Variants in AP3M1 observed in about 807,000 individuals in gnomAD.
AP3M1 encodes the protein AP-3 complex subunit mu-1.
AP3M1 carries 29 observed loss-of-function variants against 42.6 expected under a neutral mutation model. The observed-to-expected ratio is 0.68, with a 90% confidence interval of 0.51 to 0.93. The LOEUF is 0.93. Among genes scored for constraint, AP3M1 ranks in the 40% least tolerant of loss-of-function variants. The pLI is 0.00. For missense variants in AP3M1, 416 were observed against 510.2 expected, an observed-to-expected ratio of 0.82 and a Z score of 1.78; for synonymous variants, 178 against 175.3, an observed-to-expected ratio of 1.02 and a Z score of -0.12.
At chr10:74,135,036 C>T (rs572613648) in intron 3 of AP3M1, among the ~76,000 whole-genome samples, 12 of 152,190 alleles carry the variant, frequency 7.9e-5, no homozygotes, top group East Asian at 1.9e-4. Flanking sequence ...AAAATATAGT[C>T]GCAATCATAC....
At chr10:74,145,447 G>A (rs1841299108) in intron 1 of AP3M1, among the ~76,000 whole-genome samples, 2 of 152,318 alleles carry the variant, frequency 1.3e-5, no homozygotes, top group South Asian at 4.1e-4. Context: ...TCTATAATAG[G>A]AAAAGAGAGC....
At chr10:74,137,128 T>A (rs1294096335) in intron 2 of AP3M1, among the ~76,000 whole-genome samples, 4 of 152,098 alleles carry the variant, frequency 2.6e-5, no homozygotes, top group Admixed American at 2.6e-4. Context: ...TGGTCCCAGC[T>A]ACTTGGGAGG....
intron 6 of AP3M1, among the ~76,000 whole-genome samples, chr10:74,128,464 C>T (rs1430086930): frequency 6.6e-6 from 1 of 152,056 alleles, no homozygotes; most frequent in Non-Finnish European, 1.5e-5. Flanking sequence ...GTCTAGAACT[C>T]TTGACCCCAA....
At position 74,126,299 on chromosome 10, in the gene AP3M1, G is replaced by C. The variant is rs1349572202; in HGVS notation, c.860C>G (p.Ser287Cys). 1.9e-6 allele frequency: 3 copies of C among 1,614,172 alleles called. No homozygotes were observed. The highest frequency in any genetic ancestry group is 1.7e-6 in the Non-Finnish European group (2 of 1,180,038). The change falls in exon 7 of 9, where the codon TCT (serine) becomes TGT (cysteine). Residue 287 changes from serine (S) to cysteine (C), a missense_variant. Physicochemically the swap from Ser to Cys is moderately radical, Grantham distance 112 (BLOSUM62 -1). Transcript: ENST00000355264. ...AATTGTTATATCAAATCTGCCGCAA[G>C]AACTGTTCTCCTTAAAGCTGATACT... is the stretch of plus-strand genomic sequence containing the variant. ...KHSISFKENS[S>C]CGRFDITIGP... is the part of the protein sequence containing the mutation.
chr10:74,121,723 G>A lies in AP3M1; in HGVS notation c.*2087C>T, dbSNP rs1840467984. On this transcript the variant is annotated 3_prime_UTR_variant, in exon 9 of 9. Transcript: ENST00000355264. ...GCTTTGACAATGAGCCTTGCCCATT[G>A]GAGAATGTTCAATCAATAGTAGACC... 1 of 152,178 alleles carries A rather than the reference G, an allele frequency of 6.6e-6. No individual in the cohort carries two copies. The highest frequency in any genetic ancestry group is 2.1e-4 in the South Asian group (1 of 4,832). The allele number at this position is 152,178 out of a possible 1,614,324, so 9.4% of individuals were successfully genotyped here. A position where few individuals can be genotyped will look rare whatever the true frequency, so the allele number is the denominator to read the frequency against.
rs771508580 is a variant in AP3M1, at chr10:74,120,467, C to T, written c.*3343G>A. The stretch of plus-strand genomic sequence containing the variant: ...GAAGATTCTAGCTATCTGTGGAGAC[C>T]ACCACTGTTCCCCGAAAAGCTAAAG... On this transcript the variant is annotated 3_prime_UTR_variant, in exon 9 of 9. Transcript: ENST00000355264. 3 of 152,160 alleles carry T rather than the reference C, an allele frequency of 2.0e-5. No homozygotes were observed. Among genetic ancestry groups the T allele is most frequent in the Non-Finnish European group, 4.4e-5 (3 of 68,044 alleles). The allele number at this position is 152,160 out of a possible 1,614,324, so 9.4% of individuals were successfully genotyped here. A position where few individuals can be genotyped will look rare whatever the true frequency, so the allele number is the denominator to read the frequency against.
chr10:74,143,241 C>T (rs1841214998), intron 1 of AP3M1, among the ~76,000 whole-genome samples: 1 of 152,226 alleles, frequency 6.6e-6, no homozygotes, highest in Admixed American at 6.5e-5. Flanking sequence ...ATCCCAGCTA[C>T]TTGGGAACAA....
At position 74,122,975 on chromosome 10, in the gene AP3M1, T is replaced by G. The variant is rs1197059569; in HGVS notation, c.*835A>C. 1 of 152,634 alleles carries G rather than the reference T, an allele frequency of 6.6e-6. No homozygotes were observed. The highest frequency in any genetic ancestry group is 1.5e-5 in the Non-Finnish European group (1 of 68,048). 9.5% of individuals were successfully genotyped at this position (152,634 alleles called of 1,614,324 possible). ...CACTTAAGTTTTTCTTTTACTACTT[T>G]AATTTGCTTAAAAGCACAAATGCTT... On this transcript the variant is annotated 3_prime_UTR_variant, in exon 9 of 9. Coordinates refer to ENST00000355264, the MANE Select transcript of AP3M1 (RefSeq NM_012095.6).
rs1401286714 is a variant in AP3M1 at position 74,122,024 on chromosome 10, T to C, written c.*1786A>G. ...TCAGCAGAAAGCAAAGCAAATGTTC[T>C]CATTGTTCTTTTGAGGTACGAACTC... On this transcript the variant is annotated 3_prime_UTR_variant, in exon 9 of 9. Transcript: ENST00000355264. 4 of 152,236 alleles carry C rather than the reference T, an allele frequency of 2.6e-5. No homozygotes were observed. The highest frequency in any genetic ancestry group is 5.9e-5 in the Non-Finnish European group (4 of 68,050). 9.4% of individuals were successfully genotyped at this position (152,236 alleles called of 1,614,324 possible). A position where few individuals can be genotyped will look rare whatever the true frequency, so the allele number is the denominator to read the frequency against.
In AP3M1 at chr10:74,126,286, A is replaced by C; in HGVS notation, c.873T>G (p.Phe291Leu). Residue 291 changes from phenylalanine (F) to leucine (L), a missense_variant, in exon 7 of 9, where the codon TTT becomes TTG. Transcript: ENST00000355264. ...SFKENSSCGR[F>L]DITIGPKQNM... ...TCTGCTTTGGTCCAATTGTTATATC[A>C]AATCTGCCGCAAGAACTGTTCTCCT... 2.5e-6 allele frequency: 4 copies of C among 1,614,186 alleles called. No homozygotes were observed. The highest frequency in any genetic ancestry group is 3.4e-6 in the Non-Finnish European group (4 of 1,180,032).
intron 1 of AP3M1, among the ~76,000 whole-genome samples, chr10:74,143,376 A>T (rs1841219354): frequency 6.6e-6 from 1 of 152,090 alleles, no homozygotes; most frequent in South Asian, 2.1e-4. Context: ...CAGCCTCCTC[A>T]GTAGCTGGGA....
chr10:74,138,469 G>A, intron 1 of AP3M1, 87 bp from the exon 2 acceptor site: 2 of 1,242,288 alleles, frequency 1.6e-6, no homozygotes, highest in Non-Finnish European at 2.2e-6. Context: ...GACCAAGTGG[G>A]ATTTATTCTA....
chr10:74,135,691 A>C (rs925464061), intron 3 of AP3M1, among the ~76,000 whole-genome samples: 1 of 152,294 alleles, frequency 6.6e-6, no homozygotes, highest in Admixed American at 6.5e-5. Flanking sequence ...CAATGCTATT[A>C]CTTTATCTGT....
At chr10:74,124,775 T>C (rs1018921014) in intron 7 of AP3M1, among the ~76,000 whole-genome samples, 22 of 152,168 alleles carry the variant, frequency 1.4e-4, no homozygotes, top group Admixed American at 5.2e-4. Context: ...TATTCATATG[T>C]TGTCTCATTG....
At chr10:74,131,063 A>G (rs1432844499) in intron 4 of AP3M1, among the ~76,000 whole-genome samples, 4 of 152,112 alleles carry the variant, frequency 2.6e-5, no homozygotes, top group Non-Finnish European at 5.9e-5. Flanking sequence ...AGTGAGCTGA[A>G]ACCACAACAC....
At chr10:74,132,181 G>A (rs1023147776) in intron 4 of AP3M1, among the ~76,000 whole-genome samples, 2 of 151,942 alleles carry the variant, frequency 1.3e-5, no homozygotes, top group Non-Finnish European at 2.9e-5. Context: ...GGGTTTACAG[G>A]CGCCTGCCAC....
At chr10:74,131,903 T>C (rs972526203) in intron 4 of AP3M1, among the ~76,000 whole-genome samples, 26 of 152,314 alleles carry the variant, frequency 1.7e-4, no homozygotes, top group African/African-American at 6.3e-4. Flanking sequence ...GAAGAGAAGA[T>C]ATTGACTATA....
In AP3M1 at chr10:74,121,508, G is replaced by A. The variant is rs1396319640; in HGVS notation, c.*2302C>T. 1 of 152,216 alleles carries A rather than the reference G, an allele frequency of 6.6e-6. No individual in the cohort carries two copies. Among genetic ancestry groups the A allele is most frequent in the Non-Finnish European group, 1.5e-5 (1 of 68,046 alleles). The allele number at this position is 152,216 out of a possible 1,614,324, so 9.4% of individuals were successfully genotyped here. A position where few individuals can be genotyped will look rare whatever the true frequency, so the allele number is the denominator to read the frequency against. ...ATTCAGAAATCTTTGTTATCAGTAG[G>A]TGGTGGTAGTGATAGGGAAGGGAGC... On this transcript the variant is annotated 3_prime_UTR_variant, in exon 9 of 9. Coordinates refer to ENST00000355264, the MANE Select transcript of AP3M1 (RefSeq NM_012095.6).
In AP3M1 at chr10:74,140,961, G is replaced by A. The variant is rs139532097; in HGVS notation, c.-3-2579C>T. 6.5e-3 allele frequency among the ~76,000 whole-genome samples: 983 copies of A among 152,246 alleles called. 3 individuals carry two copies. Among genetic ancestry groups the A allele is most frequent in the Middle Eastern group, 0.034 (10 of 294 alleles). ...AGATTTTGACTCTGGATTAGACAAT[G>A]TTTTTTAAGATACGATACCAAAAGT... On this transcript the variant is annotated intron_variant, in intron 1 of 8. Coordinates refer to ENST00000355264, the MANE Select transcript of AP3M1 (RefSeq NM_012095.6).
Sources: allele counts gnomAD v4.1 joint callset (sites outside exome capture counted in the v4.1 genomes callset), GRCh38; gene constraint gnomAD v4.1.1; transcripts MANE v1.5; gene names NCBI Gene and HGNC (gene_info 2026-07-23, HGNC 2026-07-21).